Variants in AGMO observed in about 807,000 individuals in gnomAD.
AGMO encodes alkylglycerol monooxygenase, also known as glyceryl-ether monooxygenase.
AGMO carries 75 observed loss-of-function variants against 60.2 expected under a neutral mutation model. That is an observed-to-expected ratio of 1.25 (90% CI 1.03 to 1.51). The LOEUF (loss-of-function observed/expected upper bound fraction) is 1.51, where lower values mean the gene tolerates loss of function less well. AGMO is among the 40% of genes most tolerant of loss of function. The pLI, the probability that AGMO is intolerant of heterozygous loss-of-function variation, is 0.00. For missense variants in AGMO, 763 were observed against 525.5 expected (o/e 1.45, Z -4.42); for synonymous variants, 261 against 177.1 (o/e 1.47, Z -3.76).
the AGMO span, among the ~76,000 whole-genome samples, chr7:15,119,828 A>G: frequency 6.6e-6 from 1 of 152,148 alleles, no homozygotes. Flanking sequence ...AAACAATTAG[A>G]AAAGAACTTT....
intron 12 of AGMO, among the ~76,000 whole-genome samples, chr7:15,359,447 T>C (rs919334194): frequency 1.5e-4 from 23 of 152,236 alleles, no homozygotes; most frequent in Admixed American, 2.6e-4. Context: ...AAAAGAAATA[T>C]ATTTACATTT....
chr7:15,257,114 T>A lies in AGMO; in HGVS notation c.1264-55755A>T, dbSNP rs1157960086. Reference sequence around the variant, plus strand: ...GTTTTTGTATGCTGCGGTTTTAGTATAAATTTTACTTTAAAAAAAGTTTCA... The same window carrying A: ...GTTTTTGTATGCTGCGGTTTTAGTAAAAATTTTACTTTAAAAAAAGTTTCA... On this transcript the variant is annotated intron_variant, in intron 12 of 12. Coordinates refer to ENST00000342526, the MANE Select transcript of AGMO (RefSeq NM_001004320.2). Among the ~76,000 whole-genome samples, 3 of 152,164 alleles carry A rather than the reference T, an allele frequency of 2.0e-5. 1 individual carries two copies. The highest frequency in any genetic ancestry group is 6.5e-5 in the Admixed American group (1 of 15,278).
At chr7:15,335,089 A>G (rs1343595922) in intron 12 of AGMO, among the ~76,000 whole-genome samples, 2 of 152,134 alleles carry the variant, frequency 1.3e-5, no homozygotes, top group Non-Finnish European at 2.9e-5. Flanking sequence ...ATTCATCTCT[A>G]ATTGCTTATA....
chr7:15,488,916 CTG>C (rs34792607), intron 3 of AGMO, among the ~76,000 whole-genome samples: 82,280 of 151,686 alleles, frequency 0.54, 25,009 homozygotes, highest in East Asian at 0.96. Flanking sequence ...ATTTGATAAA[CTG>C]TGTGTTGAGA....
intron 12 of AGMO, 95 bp from the exon 13 acceptor site, chr7:15,201,454 C>A: frequency 1.2e-6 from 1 of 860,436 alleles, no homozygotes. Flanking sequence ...GGAAAATGAA[C>A]ATGGACATTT....
chr7:15,387,185 G>C (rs541433832), intron 9 of AGMO, among the ~76,000 whole-genome samples: 1 of 152,184 alleles, frequency 6.6e-6, no homozygotes, highest in Non-Finnish European at 1.5e-5. Context: ...CACAATCTGT[G>C]CTCCTAGGTA....
the AGMO span, among the ~76,000 whole-genome samples, chr7:15,146,515 ATTT>A: frequency 6.9e-6 from 1 of 145,160 alleles, no homozygotes; most frequent in African/African-American, 2.5e-5. Context: ...GCAATCAGCT[ATTT>A]TTTTTTTTTT....
intron 10 of AGMO, among the ~76,000 whole-genome samples, chr7:15,368,044 A>C (rs973372004): frequency 7.9e-5 from 12 of 152,068 alleles, no homozygotes. Flanking sequence ...GGCAGCCAGA[A>C]TTGTCAAGAG....
chr7:15,449,165 C>A (rs777077173), intron 3 of AGMO, among the ~76,000 whole-genome samples: 1 of 152,068 alleles, frequency 6.6e-6, no homozygotes, highest in Non-Finnish European at 1.5e-5. Context: ...AATAGTAAAC[C>A]ACTAGTGCCA....
At chr7:15,561,343 T>C (rs963405415) in intron 1 of AGMO, among the ~76,000 whole-genome samples, 14 of 152,314 alleles carry the variant, frequency 9.2e-5, no homozygotes, top group Non-Finnish European at 1.6e-4. Flanking sequence ...ATAGTTTCCC[T>C]GGAAGGGGTG....
chr7:15,520,144 C>T (rs1184159733), intron 3 of AGMO, among the ~76,000 whole-genome samples: 2 of 152,056 alleles, frequency 1.3e-5, no homozygotes, highest in Non-Finnish European at 2.9e-5. Context: ...ACAAGAAGAG[C>T]TAGCTACCCT....
intron 12 of AGMO, among the ~76,000 whole-genome samples, chr7:15,355,420 G>A (rs758220703): frequency 7.7e-5 from 11 of 143,278 alleles, no homozygotes; most frequent in Non-Finnish European, 1.3e-4. Flanking sequence ...GGAGAACAGC[G>A]TGAACCTGGG....
chr7:15,364,837 C>G (rs1782909418), intron 12 of AGMO, among the ~76,000 whole-genome samples: 1 of 151,992 alleles, frequency 6.6e-6, no homozygotes, highest in Non-Finnish European at 1.5e-5. Flanking sequence ...ATTGCACATT[C>G]TGGTGATGTT....
the AGMO span, among the ~76,000 whole-genome samples, chr7:15,122,307 C>T: frequency 6.6e-6 from 1 of 152,074 alleles, no homozygotes; most frequent in Non-Finnish European, 1.5e-5. Context: ...TCTTCCCAAC[C>T]CCTTAATGTC....
At position 15,522,544 on chromosome 7, in the gene AGMO, C is replaced by T. The variant is rs368551577; in HGVS notation, c.409+22228G>A. 2.7e-3 allele frequency among the ~76,000 whole-genome samples: 412 copies of T among 152,134 alleles called. 1 individual carries two copies. The highest frequency in any genetic ancestry group is 8.9e-3 in the African/African-American group (369 of 41,504). ...AGAACAGAGGCCTCAGAAATAACACCACACATCTACAACCATCTGTTCTTT... is the reference window on the plus strand; with the variant it reads ...AGAACAGAGGCCTCAGAAATAACACTACACATCTACAACCATCTGTTCTTT... On this transcript the variant is annotated intron_variant, in intron 3 of 12. Coordinates refer to ENST00000342526, the MANE Select transcript of AGMO (RefSeq NM_001004320.2).
intron 3 of AGMO, among the ~76,000 whole-genome samples, chr7:15,483,602 AAAC>A (rs879850488): frequency 0.01 from 1,533 of 151,488 alleles, 19 homozygotes; most frequent in East Asian, 0.019. Flanking sequence ...AACAAACAAA[AAAC>A]CATAAAATTT....
intron 12 of AGMO, among the ~76,000 whole-genome samples, chr7:15,256,752 T>A (rs1471324753): frequency 6.6e-6 from 1 of 152,174 alleles, no homozygotes; most frequent in Non-Finnish European, 1.5e-5. Flanking sequence ...CACAGGTTTG[T>A]CGCCTGGGAG....
At chr7:15,168,105 A>G in the AGMO span, among the ~76,000 whole-genome samples, 52 of 152,312 alleles carry the variant, frequency 3.4e-4, 2 homozygotes, top group South Asian at 3.3e-3. Context: ...CTGATTGCAC[A>G]GGGTGTGGCC....
At position 15,201,365 on chromosome 7, in the gene AGMO, G is replaced by T. The variant is rs1251714378; in HGVS notation, c.1264-6C>A. 1 of 1,606,106 alleles carries T rather than the reference G, an allele frequency of 6.2e-7. No individual in the cohort carries two copies. The highest frequency in any genetic ancestry group is 1.7e-5 in the Admixed American group (1 of 59,418). On this transcript the variant is annotated splice_polypyrimidine_tract_variant and splice_region_variant and intron_variant, in intron 12 of 12. Coordinates refer to ENST00000342526, the MANE Select transcript of AGMO (RefSeq NM_001004320.2). ...ATGCAAATGGAAAAAACAATCTGAA[G>T]AAATAAAACACAAAGAGAAAAAAAA...
Sources: gnomAD v4.1 joint callset for allele counts (sites outside exome capture counted in the v4.1 genomes callset) on GRCh38, gnomAD v4.1.1 for gene constraint, MANE v1.5 for transcripts, NCBI Gene and HGNC (gene_info 2026-07-23, HGNC 2026-07-21) for gene names.